NARS2: variants seen among roughly 807,000 people sequenced by gnomAD.
The protein encoded by NARS2 is asparaginyl-tRNA synthetase 2, mitochondrial.
Under a neutral mutation model 62.9 loss-of-function variants are expected in NARS2, and 60 were observed. The ratio of observed to expected loss-of-function variants is 0.95; its 90% confidence interval spans 0.77 to 1.18. The LOEUF is 1.18. NARS2 is among the 50% of genes most tolerant of loss of function. The pLI, the probability that NARS2 is intolerant of heterozygous loss-of-function variation, is 0.00. For synonymous variants in NARS2, 196 were observed against 200.0 expected (o/e 0.98, Z 0.17); for missense variants, 619 against 576.4 (o/e 1.07, Z -0.76).
chr11:78,487,596 G>C (rs1321880626), intron 7 of NARS2, among the ~76,000 whole-genome samples: 2 of 151,922 alleles, frequency 1.3e-5, no homozygotes, highest in Non-Finnish European at 2.9e-5. Flanking sequence ...CATATTCAAG[G>C]AGCTCACTAA....
At chr11:78,527,080 A>G (rs137986351) in intron 6 of NARS2, among the ~76,000 whole-genome samples, 2 of 152,218 alleles carry the variant, frequency 1.3e-5, no homozygotes, top group Non-Finnish European at 2.9e-5. Flanking sequence ...GATCTTTCCC[A>G]GCAGAGTTGC....
chr11:78,443,674 C>T lies in NARS2; in HGVS notation c.1249G>A (p.Glu417Lys). ...TCTGACCAGTACCTGGCTAAGCGCT[C>T]CTCTAAGAAATGGTATCGTTCTTCT... ...LREERYHFLEERLARSGLTEV... is the reference protein window; with the variant it reads ...LREERYHFLEKRLARSGLTEV... Residue 417 changes from glutamate to lysine, a missense_variant, in exon 12 of 14, where the codon GAG becomes AAG. Glu to Lys is a moderately conservative substitution (Grantham distance 56). Transcript: ENST00000281038. 1 of 1,612,486 alleles carries T rather than the reference C, an allele frequency of 6.2e-7. No individual in the cohort carries two copies. Among genetic ancestry groups the T allele is most frequent in the Non-Finnish European group, 8.5e-7 (1 of 1,178,642 alleles).
chr11:78,515,567 G>A (rs1860876203), intron 6 of NARS2, among the ~76,000 whole-genome samples: 3 of 152,042 alleles, frequency 2.0e-5, no homozygotes. Context: ...TACTCTGGCT[G>A]GAGTGCAGTG....
chr11:78,448,115 A>G (rs1857827220), intron 11 of NARS2, among the ~76,000 whole-genome samples: 1 of 152,194 alleles, frequency 6.6e-6, no homozygotes, highest in African/African-American at 2.4e-5. Context: ...ATTTAATCAT[A>G]CCACATTGTA....
At chr11:78,461,907 C>T (rs1031575514) in intron 11 of NARS2, among the ~76,000 whole-genome samples, 8 of 151,838 alleles carry the variant, frequency 5.3e-5, no homozygotes, top group Non-Finnish European at 1.0e-4. Context: ...GAGCCAAGAT[C>T]GTGCCATTGC....
At chr11:78,471,778 T>C (rs1263686870) in intron 9 of NARS2, among the ~76,000 whole-genome samples, 1 of 149,024 alleles carries the variant, frequency 6.7e-6, no homozygotes, top group African/African-American at 2.5e-5. Context: ...AGTGAGAATA[T>C]GCGGTGTTTG....
chr11:78,462,556 A>AAT lies in NARS2; in HGVS notation c.1164+3318_1164+3319dup, dbSNP rs961590269. Among the ~76,000 whole-genome samples, 76 of 152,328 alleles carry AAT rather than the reference A, an allele frequency of 5.0e-4. No homozygotes were observed. In the East Asian group the frequency reaches 0.011, roughly 22 times the overall value. ...TAAAACAGTCTGCAGTCTAGAAAAA[A>AAT]ATACATATATTTTAAAAATACACTT... On this transcript the variant is annotated intron_variant, in intron 11 of 13. Coordinates refer to ENST00000281038, the MANE Select transcript of NARS2 (RefSeq NM_024678.6).
At chr11:78,478,781 T>C in intron 7 of NARS2, 98 bp from the exon 8 acceptor site, 1 of 583,660 alleles carries the variant, frequency 1.7e-6, no homozygotes, top group Non-Finnish European at 2.9e-6. Flanking sequence ...CTTTAGCAAC[T>C]ATAAATCCAC....
At chr11:78,528,976 G>A (rs1861391367) in intron 5 of NARS2, 40 bp from the exon 6 acceptor site, 1 of 1,335,912 alleles carries the variant, frequency 7.5e-7, no homozygotes, top group South Asian at 1.2e-5. Context: ...ACTATTAAAT[G>A]TTTTGCTTTG....
At chr11:78,507,754 C>T (rs1565245802) in intron 6 of NARS2, among the ~76,000 whole-genome samples, 1 of 152,082 alleles carries the variant, frequency 6.6e-6, no homozygotes, top group Non-Finnish European at 1.5e-5. Flanking sequence ...CTCCTGACCT[C>T]AGGATCCACC....
intron 7 of NARS2, among the ~76,000 whole-genome samples, chr11:78,480,547 G>A (rs1039315303): frequency 4.6e-5 from 7 of 151,018 alleles, no homozygotes; most frequent in Non-Finnish European, 8.8e-5. Flanking sequence ...GAGCCACTGC[G>A]CCCAGCCTAT....
At chr11:78,474,374 A>T (rs1858998593) in intron 9 of NARS2, among the ~76,000 whole-genome samples, 1 of 152,170 alleles carries the variant, frequency 6.6e-6, no homozygotes, top group Non-Finnish European at 1.5e-5. Context: ...AAAATAAATC[A>T]ATGTTTGTTT....
rs199685180 is a variant in NARS2, at chr11:78,531,433, A to AG, written c.595-2498dup. On this transcript the variant is annotated intron_variant, in intron 5 of 13. Coordinates refer to ENST00000281038, the MANE Select transcript of NARS2 (RefSeq NM_024678.6). The stretch of plus-strand genomic sequence containing the variant: ...TGTACAATAAGGGGTTGCGGTTACT[A>AG]GGGAAAAAAGTTTGGTGGTTCCTTA... 4.9e-3 allele frequency among the ~76,000 whole-genome samples: 754 copies of AG among 152,346 alleles called. 4 individuals carry two copies. The highest frequency in any genetic ancestry group is 0.018 in the African/African-American group (731 of 41,574).
At chr11:78,460,208 T>C (rs1858340095) in intron 11 of NARS2, among the ~76,000 whole-genome samples, 1 of 151,954 alleles carries the variant, frequency 6.6e-6, no homozygotes, top group Non-Finnish European at 1.5e-5. Context: ...TTTTGGCTTT[T>C]ATCCTAAGAG....
At chr11:78,543,983 G>A (rs1855738892) in intron 5 of NARS2, among the ~76,000 whole-genome samples, 1 of 122,486 alleles carries the variant, frequency 8.2e-6, no homozygotes, top group Non-Finnish European at 1.6e-5. Context: ...TTGTGCCACT[G>A]CACTCTAGCC....
chr11:78,494,034 C>CA (rs1291989967), intron 6 of NARS2, among the ~76,000 whole-genome samples: 3 of 152,210 alleles, frequency 2.0e-5, no homozygotes, highest in Admixed American at 6.5e-5. Context: ...CCTTGACGAC[C>CA]ACCTGTCTTT....
At chr11:78,553,047 A>G (rs556771078) in intron 5 of NARS2, among the ~76,000 whole-genome samples, 2 of 152,138 alleles carry the variant, frequency 1.3e-5, no homozygotes, top group Non-Finnish European at 2.9e-5. Flanking sequence ...GCTTTCCACA[A>G]TGGTTGAGCT....
intron 7 of NARS2, 89 bp downstream of exon 7, chr11:78,492,974 C>T: frequency 8.6e-7 from 1 of 1,158,096 alleles, no homozygotes; most frequent in Non-Finnish European, 1.2e-6. Context: ...TTTATGAATA[C>T]CTGTAACACA....
intron 12 of NARS2, among the ~76,000 whole-genome samples, chr11:78,443,421 A>T (rs924184168): frequency 2.0e-5 from 3 of 152,084 alleles, no homozygotes; most frequent in Non-Finnish European, 4.4e-5. Flanking sequence ...TACTTTCCAT[A>T]GGGAAAGGTT....
Sources: allele counts gnomAD v4.1 joint callset (sites outside exome capture counted in the v4.1 genomes callset), GRCh38; gene constraint gnomAD v4.1.1; transcripts MANE v1.5; gene names NCBI Gene and HGNC (gene_info 2026-07-23, HGNC 2026-07-21).